Variants in NLRP14 observed in about 807,000 individuals in gnomAD.
NLRP14 encodes NACHT, LRR and PYD domains-containing protein 14.
Under a neutral mutation model 94.7 loss-of-function variants are expected in NLRP14, and 105 were observed. The observed-to-expected ratio is 1.11, with a 90% CI of 0.95 to 1.30. The LOEUF (loss-of-function observed/expected upper bound fraction) is 1.30, where lower values mean the gene tolerates loss of function less well. NLRP14 is among the 50% of genes most tolerant of loss of function. The pLI, the probability that NLRP14 is intolerant of heterozygous loss-of-function variation, is 0.00. For synonymous variants in NLRP14, 508 were observed against 459.9 expected (o/e 1.10, Z -1.34); for missense variants, 1,362 against 1,254.1 (o/e 1.09, Z -1.30).
intron 10 of NLRP14, among the ~76,000 whole-genome samples, chr11:7,067,956 G>A (rs936140621): frequency 2.6e-4 from 40 of 151,984 alleles, no homozygotes; most frequent in Admixed American, 7.9e-4. Flanking sequence ...TTTGACTTCT[G>A]ATTCAATTTT....
intron 1 of NLRP14, among the ~76,000 whole-genome samples, chr11:7,036,284 T>A (rs1852158349): frequency 6.6e-6 from 1 of 152,224 alleles, no homozygotes; most frequent in African/African-American, 2.4e-5. Flanking sequence ...TTCCTCTTTC[T>A]AAAAAGGTAA....
chr11:7,041,595 A>G (rs1852250955), intron 3 of NLRP14, among the ~76,000 whole-genome samples: 1 of 152,200 alleles, frequency 6.6e-6, no homozygotes, highest in South Asian at 2.1e-4. Context: ...AATATATTTG[A>G]CACTTATGTG....
At chr11:7,072,011 TC>T (rs1248734933), downstream of NLRP14, among the ~76,000 whole-genome samples, 1 of 152,230 alleles carries the variant, frequency 6.6e-6, no homozygotes, top group Non-Finnish European at 1.5e-5. Context: ...ACAGATTCTT[TC>T]ATTTGGCAAG....
At position 7,042,961 on chromosome 11, in the gene NLRP14, C is replaced by G. The variant is rs757352943; in HGVS notation, c.935C>G (p.Ser312Cys). 4.3e-6 allele frequency: 7 copies of G among 1,614,006 alleles called. No individual in the cohort carries two copies. In the African/African-American group the frequency reaches 8.0e-5, roughly 18 times the overall value. ...TTGGTGACAACAAGACTCACAACTT[C>G]TAAGAGACTAAAGCAGTTGTTGAAG... Reference protein sequence around the residue: ...SLLVTTRLTTSKRLKQLLKNH... With the variant: ...SLLVTTRLTTCKRLKQLLKNH... The change falls in exon 4 of 12, where the codon TCT becomes TGT. Residue 312 changes from serine to cysteine, a missense_variant. Ser to Cys is a moderately radical substitution (Grantham distance 112, BLOSUM62 -1). Coordinates refer to ENST00000299481, the MANE Select transcript of NLRP14 (RefSeq NM_176822.4).
intron 1 of NLRP14, among the ~76,000 whole-genome samples, chr11:7,031,822 ACTGGTG>A (rs1219533454): frequency 2.0e-5 from 3 of 152,122 alleles, no homozygotes; most frequent in African/African-American, 7.2e-5. Flanking sequence ...AGCTGCTCTC[ACTGGTG>A]CTCCAGGTTA....
intron 1 of NLRP14, among the ~76,000 whole-genome samples, chr11:7,035,407 G>A (rs1852147792): frequency 6.6e-6 from 1 of 152,110 alleles, no homozygotes; most frequent in Non-Finnish European, 1.5e-5. Context: ...CTGCCCTGGG[G>A]TCATTTGGCA....
chr11:7,022,865 T>G (rs755794497), intron 1 of NLRP14, among the ~76,000 whole-genome samples: 5 of 152,206 alleles, frequency 3.3e-5, no homozygotes, highest in Non-Finnish European at 5.9e-5. Flanking sequence ...CCTCTCTATC[T>G]GCCTATGAGA....
intron 10 of NLRP14, among the ~76,000 whole-genome samples, chr11:7,064,576 A>G (rs1291554173): frequency 2.0e-5 from 3 of 152,052 alleles, no homozygotes; most frequent in Non-Finnish European, 4.4e-5. Flanking sequence ...AGTGGCTAGA[A>G]CTTCACCTAT....
intron 1 of NLRP14, among the ~76,000 whole-genome samples, chr11:7,025,524 A>G (rs1852002123): frequency 6.6e-6 from 1 of 152,196 alleles, no homozygotes; most frequent in South Asian, 2.1e-4. Context: ...CAAAAGTTAC[A>G]TGTATAAAGG....
chr11:7,059,403 A>G (rs1852575814), intron 8 of NLRP14, among the ~76,000 whole-genome samples: 1 of 151,886 alleles, frequency 6.6e-6, no homozygotes, highest in Non-Finnish European at 1.5e-5. Context: ...GTTTAATTTT[A>G]ACGTTTACAT....
At chr11:7,086,517 T>G in the NLRP14 span, among the ~76,000 whole-genome samples, 1 of 152,260 alleles carries the variant, frequency 6.6e-6, no homozygotes, top group African/African-American at 2.4e-5. Context: ...CAAATATAAT[T>G]AATATTGCTT....
intron 1 of NLRP14, among the ~76,000 whole-genome samples, chr11:7,031,619 C>G (rs1389566903): frequency 6.6e-6 from 1 of 152,124 alleles, no homozygotes; most frequent in Non-Finnish European, 1.5e-5. Context: ...ATGAATAGCC[C>G]CACTTTCACC....
intron 9 of NLRP14, among the ~76,000 whole-genome samples, chr11:7,061,086 T>G (rs1331749700): frequency 6.6e-6 from 1 of 152,052 alleles, no homozygotes; most frequent in Non-Finnish European, 1.5e-5. Context: ...TTTAGAGCTA[T>G]AAAGTCAAGC....
At chr11:7,081,560 C>A in the NLRP14 span, among the ~76,000 whole-genome samples, 1 of 151,838 alleles carries the variant, frequency 6.6e-6, no homozygotes, top group African/African-American at 2.4e-5. Context: ...GCAAAGTATC[C>A]TATGAAATAT....
rs148284961 is a variant in NLRP14, at chr11:7,043,408, T to C, written c.1382T>C (p.Met461Thr). The C allele has an allele frequency of 8.3e-5, 134 of 1,614,128 alleles. 1 individual carries two copies. The African/African-American group carries it at 1.5e-3, about 18-fold the overall frequency. ...GLTQSDVSSF[M>T]DSNIIQKDAE... ...ACTCAATCTGATGTCTCTAGTTTTA[T>C]GGACAGCAATATTATTCAGAAGGAC... Residue 461 changes from methionine (M) to threonine (T), a missense_variant, in exon 4 of 12, where the codon ATG (methionine) becomes ACG (threonine). Met to Thr is a moderately conservative substitution (Grantham distance 81). Transcript: ENST00000299481.
At chr11:7,038,899 G>A (rs771676293) in intron 2 of NLRP14, 24 bp downstream of exon 2, 13 of 1,610,400 alleles carry the variant, frequency 8.1e-6, no homozygotes, top group African/African-American at 4.0e-5. Flanking sequence ...GGGGCAAATC[G>A]GGGGCTAGGC....
chr11:7,064,896 A>T (rs1432856235), intron 10 of NLRP14, among the ~76,000 whole-genome samples: 1 of 151,548 alleles, frequency 6.6e-6, no homozygotes, highest in African/African-American at 2.4e-5. Flanking sequence ...TATAAACCAC[A>T]TTTTCATTGG....
At chr11:7,051,797 G>A (rs10839704) in intron 6 of NLRP14, among the ~76,000 whole-genome samples, 92,829 of 151,936 alleles carry the variant, frequency 0.61, 29,189 homozygotes, top group East Asian at 0.87. Flanking sequence ...TTATTTTTGT[G>A]TTTTTAGTAG....
At chr11:7,039,547 C>G (rs1286952296) in intron 2 of NLRP14, among the ~76,000 whole-genome samples, 167 bp from the exon 3 acceptor site, 1 of 152,156 alleles carries the variant, frequency 6.6e-6, no homozygotes, top group Non-Finnish European at 1.5e-5. Context: ...ATTGTTTCTT[C>G]TCTCAGCTAA....
Sources: allele counts gnomAD v4.1 joint callset (sites outside exome capture counted in the v4.1 genomes callset), GRCh38; gene constraint gnomAD v4.1.1; transcripts MANE v1.5; gene names NCBI Gene and HGNC (gene_info 2026-07-23, HGNC 2026-07-21).